The following SKI variants were observed in gnomAD, a reference collection of about 807,000 sequenced individuals.
SKI encodes the protein SKI proto-oncogene.
Under a neutral mutation model 59.3 loss-of-function variants are expected in SKI, and 23 were observed. That is an observed-to-expected ratio of 0.39 (90% CI 0.28 to 0.55). The LOEUF is 0.55. SKI is among the 20% of genes least tolerant of loss of function. SKI has a pLI of 0.67. For missense variants in SKI, 1,017 were observed against 1,038.9 expected (o/e 0.98, Z 0.29); for synonymous variants, 673 against 488.6 (o/e 1.38, Z -4.98).
intron 1 of SKI, among the ~76,000 whole-genome samples, chr1:2,243,235 C>T (rs962436119): frequency 3.3e-5 from 5 of 152,244 alleles, no homozygotes; most frequent in African/African-American, 1.2e-4. Flanking sequence ...CTTCAGGGCG[C>T]GTGTCAGCAC....
At chr1:2,296,614 G>A (rs1284967740) in intron 1 of SKI, among the ~76,000 whole-genome samples, 1 of 152,086 alleles carries the variant, frequency 6.6e-6, no homozygotes, top group Non-Finnish European at 1.5e-5. Context: ...TTCTTCATGT[G>A]TTCTGAATCT....
chr1:2,297,656 G>A (rs552061191), intron 1 of SKI, among the ~76,000 whole-genome samples: 1 of 152,372 alleles, frequency 6.6e-6, no homozygotes, highest in East Asian at 1.9e-4. Flanking sequence ...CCCCTGTACA[G>A]AGACGAATTG....
intron 1 of SKI, among the ~76,000 whole-genome samples, chr1:2,292,283 G>A (rs557353687): frequency 1.5e-4 from 23 of 152,302 alleles, no homozygotes; most frequent in African/African-American, 4.6e-4. Flanking sequence ...TTTGGGGTTC[G>A]GGCTTTTGGA....
chr1:2,271,158 C>T (rs922312042), intron 1 of SKI, among the ~76,000 whole-genome samples: 7 of 152,100 alleles, frequency 4.6e-5, no homozygotes, highest in African/African-American at 1.7e-4. Context: ...ATTGGCGACC[C>T]CAGGGTCCCG....
chr1:2,293,460 T>TCGC (rs1640212343), intron 1 of SKI, among the ~76,000 whole-genome samples: 1 of 149,316 alleles, frequency 6.7e-6, no homozygotes, highest in Non-Finnish European at 1.5e-5. Flanking sequence ...TTCTCCTGCG[T>TCGC]CGCCCTCTCC....
intron 1 of SKI, among the ~76,000 whole-genome samples, chr1:2,283,001 G>T (rs1328725425): frequency 6.6e-6 from 1 of 152,178 alleles, no homozygotes; most frequent in Non-Finnish European, 1.5e-5. Context: ...ACGGGAGCCA[G>T]TCTCGGACCC....
At chr1:2,234,684 T>C (rs1638715109) in intron 1 of SKI, among the ~76,000 whole-genome samples, 1 of 152,248 alleles carries the variant, frequency 6.6e-6, no homozygotes, top group African/African-American at 2.4e-5. Flanking sequence ...CCCGGCTCTC[T>C]GTGGCAATAA....
intron 1 of SKI, among the ~76,000 whole-genome samples, chr1:2,264,199 A>C (rs978753525): frequency 1.1e-4 from 17 of 152,142 alleles, no homozygotes; most frequent in African/African-American, 4.1e-4. Flanking sequence ...TTTGTTTCTG[A>C]AAGGTATTTG....
intron 1 of SKI, among the ~76,000 whole-genome samples, chr1:2,300,025 G>A (rs1238229565): frequency 6.6e-6 from 1 of 152,208 alleles, no homozygotes; most frequent in Non-Finnish European, 1.5e-5. Flanking sequence ...GAACTGTTCC[G>A]TCAGAGGGCC....
chr1:2,287,669 G>A (rs116760507), intron 1 of SKI, among the ~76,000 whole-genome samples: 236 of 152,222 alleles, frequency 1.6e-3, no homozygotes, highest in African/African-American at 5.5e-3. Context: ...TGCCGCAGGG[G>A]GGGTGTGGAC....
chr1:2,247,645 C>T (rs1185441132), intron 1 of SKI, among the ~76,000 whole-genome samples: 1 of 152,194 alleles, frequency 6.6e-6, no homozygotes, highest in Non-Finnish European at 1.5e-5. Flanking sequence ...TATGTACCCC[C>T]TTGCCCTGGC....
chr1:2,241,549 T>C (rs263527), intron 1 of SKI, among the ~76,000 whole-genome samples: 82,613 of 151,968 alleles, frequency 0.54, 22,924 homozygotes, highest in East Asian at 0.83. Flanking sequence ...CCCGCCACCG[T>C]GCCCGGCTAA....
At chr1:2,300,060 G>A (rs537594601) in intron 1 of SKI, among the ~76,000 whole-genome samples, 82 of 152,310 alleles carry the variant, frequency 5.4e-4, no homozygotes, top group African/African-American at 1.8e-3. Context: ...TCTTGGGCCC[G>A]CTATTCCTCA....
At chr1:2,251,990 G>T (rs1406325474) in intron 1 of SKI, among the ~76,000 whole-genome samples, 4 of 152,178 alleles carry the variant, frequency 2.6e-5, no homozygotes, top group Non-Finnish European at 5.9e-5. Context: ...CAGTGGCTGT[G>T]CCCAGACGCG....
chr1:2,284,536 TG>T (rs553392566), intron 1 of SKI, among the ~76,000 whole-genome samples: 1 of 152,172 alleles, frequency 6.6e-6, no homozygotes, highest in Non-Finnish European at 1.5e-5. Flanking sequence ...CTGAGGTGCC[TG>T]GGGGGGCAGG....
chr1:2,298,025 G>A (rs1640328965), intron 1 of SKI, among the ~76,000 whole-genome samples: 3 of 152,184 alleles, frequency 2.0e-5, no homozygotes, highest in Non-Finnish European at 2.9e-5. Context: ...TTTTGACACC[G>A]GGTGGTCATG....
intron 1 of SKI, among the ~76,000 whole-genome samples, chr1:2,262,187 C>G (rs1051305029): frequency 7.2e-6 from 1 of 138,960 alleles, no homozygotes. Flanking sequence ...ATCTCTTGAT[C>G]TCCTAGTCTG....
chr1:2,280,720 C>A (rs377100012), intron 1 of SKI, among the ~76,000 whole-genome samples: 130 of 2,750 alleles, frequency 0.047, 33 homozygotes, highest in East Asian at 0.26. Flanking sequence ...GCGGCGGCGG[C>A]GATCTTCAGA....
chr1:2,288,151 G>A (rs1462580288), intron 1 of SKI, among the ~76,000 whole-genome samples: 1 of 152,144 alleles, frequency 6.6e-6, no homozygotes, highest in Non-Finnish European at 1.5e-5. Context: ...ACCACGCCTG[G>A]CTAATTTTTG....
Sources: gnomAD v4.1 joint callset for allele counts (sites outside exome capture counted in the v4.1 genomes callset) on GRCh38, gnomAD v4.1.1 for gene constraint, MANE v1.5 for transcripts, NCBI Gene and HGNC (gene_info 2026-07-23, HGNC 2026-07-21) for gene names.